PCDH15: variants seen among roughly 807,000 people sequenced by gnomAD.
The protein encoded by PCDH15 is protocadherin related 15.
A neutral mutation model predicts 178.5 loss-of-function variants in PCDH15; 129 were observed. The ratio of observed to expected loss-of-function variants is 0.72; its 90% CI spans 0.63 to 0.84. The LOEUF (loss-of-function observed/expected upper bound fraction) is 0.84. PCDH15 is among the 40% of genes least tolerant of loss of function. The pLI, the probability that PCDH15 is intolerant of heterozygous loss-of-function variation, is 0.00. For missense variants in PCDH15, 2,230 were observed against 2,099.9 expected (o/e 1.06, Z -1.21); for synonymous variants, 800 against 732.0 (o/e 1.09, Z -1.50).
chr10:53,984,462 CTT>C (rs1350245400), intron 21 of PCDH15, among the ~76,000 whole-genome samples: 2 of 151,990 alleles, frequency 1.3e-5, no homozygotes, highest in Non-Finnish European at 2.9e-5. Context: ...ACTTGATTGA[CTT>C]TTTAACTTTT....
intron 2 of PCDH15, among the ~76,000 whole-genome samples, chr10:55,460,329 A>G (rs531449136): frequency 6.6e-6 from 1 of 152,156 alleles, no homozygotes; most frequent in African/African-American, 2.4e-5. Flanking sequence ...AGACTATGGA[A>G]GCACATTTAA....
intron 25 of PCDH15, among the ~76,000 whole-genome samples, chr10:53,926,167 G>C (rs944271797): frequency 1.3e-5 from 2 of 152,070 alleles, no homozygotes; most frequent in Admixed American, 1.3e-4. Context: ...CCTAGTTCTA[G>C]TTTGGGACTG....
At chr10:54,179,059 C>T (rs908168150) in intron 13 of PCDH15, among the ~76,000 whole-genome samples, 1 of 152,064 alleles carries the variant, frequency 6.6e-6, no homozygotes, top group African/African-American at 2.4e-5. Flanking sequence ...CCAGCCATCC[C>T]ATTACTGGAT....
chr10:54,004,627 T>C (rs1261585197), intron 20 of PCDH15, among the ~76,000 whole-genome samples: 3 of 151,974 alleles, frequency 2.0e-5, no homozygotes, highest in Admixed American at 2.0e-4. Context: ...CAATGGAAAC[T>C]ATAAAACATG....
At chr10:54,837,443 T>A (rs1035934987) in intron 3 of PCDH15, among the ~76,000 whole-genome samples, 1 of 152,088 alleles carries the variant, frequency 6.6e-6, no homozygotes, top group Non-Finnish European at 1.5e-5. Flanking sequence ...GGTTAAAAGA[T>A]GAAAAGTAAA....
At chr10:55,262,451 C>T (rs2099989) in intron 1 of PCDH15, among the ~76,000 whole-genome samples, 40,965 of 151,934 alleles carry the variant, frequency 0.27, 5,818 homozygotes, top group East Asian at 0.54. Context: ...CCCTAGCGGG[C>T]AGAGACACAC....
chr10:54,224,508 G>A (rs911920245), intron 9 of PCDH15, among the ~76,000 whole-genome samples: 1 of 152,062 alleles, frequency 6.6e-6, no homozygotes, highest in Admixed American at 6.5e-5. Flanking sequence ...AACCATCTCT[G>A]AAGCTCTGGG....
chr10:54,139,994 T>A (rs1314391120), intron 14 of PCDH15, among the ~76,000 whole-genome samples: 1 of 152,184 alleles, frequency 6.6e-6, no homozygotes, highest in South Asian at 2.1e-4. Flanking sequence ...GTAAGTCATA[T>A]GCCATTTTTC....
At chr10:55,577,810 C>T (rs1842524928) in intron 2 of PCDH15, among the ~76,000 whole-genome samples, 1 of 152,142 alleles carries the variant, frequency 6.6e-6, no homozygotes, top group Admixed American at 6.6e-5. Context: ...AATTTGCTGA[C>T]ATCTTTTATA....
chr10:54,166,655 A>G (rs1418541462), intron 13 of PCDH15, among the ~76,000 whole-genome samples: 1 of 152,190 alleles, frequency 6.6e-6, no homozygotes, highest in Non-Finnish European at 1.5e-5. Flanking sequence ...TACTCAGATG[A>G]CTATGCTTGG....
At chr10:54,172,512 A>G (rs2133645563) in intron 13 of PCDH15, among the ~76,000 whole-genome samples, 1 of 152,232 alleles carries the variant, frequency 6.6e-6, no homozygotes, top group Non-Finnish European at 1.5e-5. Context: ...AAATAACAAA[A>G]TTTACTACCA....
intron 1 of PCDH15, among the ~76,000 whole-genome samples, chr10:55,207,749 C>T (rs1177369865): frequency 6.6e-6 from 1 of 152,080 alleles, no homozygotes; most frequent in Non-Finnish European, 1.5e-5. Context: ...GGGCATATCA[C>T]CTGAGGTCAG....
intron 3 of PCDH15, among the ~76,000 whole-genome samples, chr10:54,435,045 T>C (rs2075291150): frequency 8.4e-6 from 1 of 118,948 alleles, no homozygotes; most frequent in South Asian, 2.3e-4. Context: ...CTCTGTGGTT[T>C]TTAAACTTAT....
chr10:54,048,880 A>G (rs1486041268), intron 18 of PCDH15, among the ~76,000 whole-genome samples: 4 of 148,638 alleles, frequency 2.7e-5, no homozygotes, highest in East Asian at 2.0e-4. Context: ...GTTTCAGAAC[A>G]GTTTTTTTTT....
chr10:55,048,384 A>G (rs1162499835), intron 2 of PCDH15, among the ~76,000 whole-genome samples: 1 of 151,924 alleles, frequency 6.6e-6, no homozygotes, highest in Non-Finnish European at 1.5e-5. Context: ...AATAGAAAAA[A>G]CTATCCAAGG....
chr10:54,266,300 C>T (rs917410106), intron 8 of PCDH15, among the ~76,000 whole-genome samples: 1 of 151,700 alleles, frequency 6.6e-6, no homozygotes, highest in African/African-American at 2.4e-5. Context: ...CTCTGGGATG[C>T]AACGATAGCA....
At chr10:55,131,697 G>A (rs1327224569) in intron 2 of PCDH15, among the ~76,000 whole-genome samples, 1 of 119,314 alleles carries the variant, frequency 8.4e-6, no homozygotes, top group East Asian at 2.5e-4. Context: ...TCAGTGGAGA[G>A]GAGACCAGGA....
At chr10:54,242,191 C>T (rs746706494) in intron 8 of PCDH15, among the ~76,000 whole-genome samples, 47 of 113,708 alleles carry the variant, frequency 4.1e-4, no homozygotes, top group African/African-American at 1.1e-3. Flanking sequence ...TATATATACA[C>T]ACACACACAT....
At chr10:54,020,116 T>C (rs1311655217) in intron 20 of PCDH15, 76 bp downstream of exon 20, 12 of 1,226,848 alleles carry the variant, frequency 9.8e-6, no homozygotes, top group South Asian at 2.4e-5. Context: ...AAACATATTA[T>C]AGGTATAATA....
Sources: allele counts gnomAD v4.1 joint callset (sites outside exome capture counted in the v4.1 genomes callset), GRCh38; gene constraint gnomAD v4.1.1; transcripts MANE v1.5; gene names NCBI Gene and HGNC (gene_info 2026-07-23, HGNC 2026-07-21).